PCDHGB1: variants seen among roughly 807,000 people sequenced by gnomAD.
PCDHGB1 encodes protocadherin gamma-B1.
Under a neutral mutation model 56.6 loss-of-function variants are expected in PCDHGB1, and 34 were observed. The observed-to-expected ratio is 0.60, with a 90% CI of 0.46 to 0.80. The LOEUF is 0.80. Ranked by LOEUF, PCDHGB1 falls within the 30% of genes least tolerant of loss-of-function variation. PCDHGB1 has a pLI of 0.00. For missense variants in PCDHGB1, 1,278 were observed against 1,204.6 expected (o/e 1.06, Z -0.90); for synonymous variants, 561 against 505.9 (o/e 1.11, Z -1.46).
rs71583649 is a variant in PCDHGB1, at chr5:141,491,361, C to A, written c.2410-3446C>A. On this transcript the variant is annotated intron_variant, in intron 1 of 3. Transcript: ENST00000523390. The surrounding 1 kb of genome is among the most constrained non-coding windows in gnomAD (Gnocchi z 6.9). The stretch of plus-strand genomic sequence containing the variant: ...CGACCGTCAGTCTCTTATCCCTAGT[C>A]ACCTTCACCTTTCTGTCAGCGAAGT... 1.0e-3 allele frequency: 1,614 copies of A among 1,614,132 alleles called. 5 individuals carry two copies. The highest frequency in any genetic ancestry group is 5.1e-3 in the Middle Eastern group (31 of 6,062).
At chr5:141,464,227 T>C (rs539811399) in intron 1 of PCDHGB1, among the ~76,000 whole-genome samples, 58 of 147,282 alleles carry the variant, frequency 3.9e-4, no homozygotes, top group Admixed American at 2.5e-3. Flanking sequence ...ATTGCGCCAC[T>C]GCACTCCAGC....
chr5:141,395,081 A>G (rs749375075), intron 1 of PCDHGB1: 3 of 1,614,156 alleles, frequency 1.9e-6, no homozygotes, highest in South Asian at 1.1e-5. Context: ...ATTCCCAGGA[A>G]GTCTCCCTCA....
chr5:141,494,762 A>G (rs770570158), intron 1 of PCDHGB1, 45 bp from the exon 2 acceptor site: 1 of 1,613,200 alleles, frequency 6.2e-7, no homozygotes, highest in South Asian at 1.1e-5. Flanking sequence ...TGACATTCTA[A>G]CTTCTCACGG....
chr5:141,456,389 TTTGA>T (rs1181323617), intron 1 of PCDHGB1, among the ~76,000 whole-genome samples: 2 of 152,074 alleles, frequency 1.3e-5, no homozygotes, highest in Non-Finnish European at 2.9e-5. Flanking sequence ...CCGTTTGGAG[TTTGA>T]TTGCTTCTAG....
chr5:141,498,045 A>G (rs1368474174), intron 2 of PCDHGB1, among the ~76,000 whole-genome samples: 4 of 152,256 alleles, frequency 2.6e-5, no homozygotes, highest in Non-Finnish European at 4.4e-5. Flanking sequence ...AATTACAAAA[A>G]TAAATGTGAG....
At chr5:141,419,124 T>A in intron 1 of PCDHGB1, 1 of 1,613,798 alleles carries the variant, frequency 6.2e-7, no homozygotes, top group Non-Finnish European at 8.5e-7. Context: ...AACGTCACCA[T>A]CGCAGCCACA....
intron 1 of PCDHGB1, chr5:141,370,312 G>A (rs2149960218): frequency 2.4e-6 from 3 of 1,269,470 alleles, no homozygotes; most frequent in Non-Finnish European, 3.3e-6. Flanking sequence ...AAAGCAAATA[G>A]TTGGTCCTGC....
At chr5:141,482,667 G>C (rs2099569914) in intron 1 of PCDHGB1, among the ~76,000 whole-genome samples, 1 of 151,094 alleles carries the variant, frequency 6.6e-6, no homozygotes, top group Admixed American at 6.6e-5. Context: ...ATGATCTAAA[G>C]GTTGAGTAGT....
chr5:141,456,746 T>C (rs548254725), intron 1 of PCDHGB1, among the ~76,000 whole-genome samples: 51 of 151,874 alleles, frequency 3.4e-4, no homozygotes, highest in African/African-American at 1.0e-3. Context: ...GGGAGCATCA[T>C]GAGGTCAGGA....
At position 141,351,596 on chromosome 5, in the gene PCDHGB1, C is replaced by A. The variant is rs773771390; in HGVS notation, c.1336C>A (p.Pro446Thr). Residue 446 changes from proline to threonine, a missense_variant, in exon 1 of 4, where the codon CCT (proline) becomes ACT (threonine). Coordinates refer to ENST00000523390, the MANE Select transcript of PCDHGB1 (RefSeq NM_018922.3). ...LHISDINDNAPVFHQASYVVH... is the reference protein window; with the variant it reads ...LHISDINDNATVFHQASYVVH... The stretch of plus-strand genomic sequence containing the variant: ...CATCTCCGACATCAACGACAATGCA[C>A]CTGTTTTCCATCAGGCCTCCTATGT... 2 of 1,614,088 alleles carry A rather than the reference C, an allele frequency of 1.2e-6. No homozygotes were observed. Among genetic ancestry groups the A allele is most frequent in the Non-Finnish European group, 1.7e-6 (2 of 1,179,904 alleles).
intron 1 of PCDHGB1, chr5:141,409,824 C>A (rs1265260597): frequency 6.2e-7 from 1 of 1,610,742 alleles, no homozygotes; most frequent in Non-Finnish European, 8.5e-7. Flanking sequence ...GGCTCGCCCA[C>A]GCTCAGCGCC....
rs1233637152 is a variant in PCDHGB1 at position 141,432,543 on chromosome 5, A to G, written c.2410-62264A>G. ...CTGGTGACCAAGGTGGTGGCGGTGGACAGAGACTCCGGCCAGAACGCCTGG... is the reference window on the plus strand; with the variant it reads ...CTGGTGACCAAGGTGGTGGCGGTGGGCAGAGACTCCGGCCAGAACGCCTGG... On this transcript the variant is annotated intron_variant, in intron 1 of 3. Transcript: ENST00000523390. This position sits in a 1 kb window ranked among gnomAD's most constrained non-coding sequence, Gnocchi z 6.0. 3 of 1,613,678 alleles carry G rather than the reference A, an allele frequency of 1.9e-6. No individual in the cohort carries two copies. In the African/African-American group the frequency reaches 4.0e-5, roughly 22 times the overall value.
intron 1 of PCDHGB1, chr5:141,413,033 T>C: frequency 1.3e-6 from 1 of 776,760 alleles, no homozygotes; most frequent in Non-Finnish European, 2.0e-6. Context: ...ACAAACCGGC[T>C]GCTGGGCTGC....
chr5:141,388,619 C>A (rs369637121), intron 1 of PCDHGB1: 1 of 1,613,852 alleles, frequency 6.2e-7, no homozygotes, highest in Admixed American at 1.7e-5. Flanking sequence ...TCAGTCAAGA[C>A]GTATACAGGG....
chr5:141,451,993 C>G (rs1235806360), intron 1 of PCDHGB1, among the ~76,000 whole-genome samples: 4 of 152,164 alleles, frequency 2.6e-5, no homozygotes, highest in African/African-American at 7.2e-5. Context: ...TCATTAGAAG[C>G]AAAATCACTT....
chr5:141,399,853 C>G, intron 1 of PCDHGB1: 1 of 1,612,978 alleles, frequency 6.2e-7, no homozygotes, highest in Non-Finnish European at 8.5e-7. Flanking sequence ...TATGGTGCCG[C>G]GCGCTGCAGA....
chr5:141,472,542 G>GA (rs904556404), intron 1 of PCDHGB1, among the ~76,000 whole-genome samples: 21 of 147,124 alleles, frequency 1.4e-4, no homozygotes, highest in Admixed American at 7.4e-4. Flanking sequence ...ACCATCTCAA[G>GA]AAAAAAAAAA....
intron 1 of PCDHGB1, chr5:141,385,340 C>A: frequency 6.4e-7 from 1 of 1,570,860 alleles, no homozygotes; most frequent in Non-Finnish European, 8.6e-7. Flanking sequence ...CCAGCCCTTC[C>A]TTTATTTCCA....
chr5:141,394,528 C>A (rs1465272752), intron 1 of PCDHGB1: 1 of 1,614,214 alleles, frequency 6.2e-7, no homozygotes, highest in Non-Finnish European at 8.5e-7. Flanking sequence ...ACAGACGGTT[C>A]CACTGGCGTG....
Sources: allele counts gnomAD v4.1 joint callset (sites outside exome capture counted in the v4.1 genomes callset), GRCh38; gene constraint gnomAD v4.1.1; non-coding constraint Gnocchi (gnomAD v3.1); transcripts MANE v1.5; gene names NCBI Gene and HGNC (gene_info 2026-07-23, HGNC 2026-07-21).